The following ZFPM2 variants were observed in gnomAD, a reference collection of about 807,000 sequenced individuals.
ZFPM2 encodes zinc finger protein, FOG family member 2.
A neutral mutation model predicts 98.6 loss-of-function variants in ZFPM2; 20 were observed. The ratio of observed to expected loss-of-function variants is 0.20; its 90% CI spans 0.14 to 0.29. The LOEUF is 0.29. ZFPM2 is among the 10% of genes least tolerant of loss of function. The probability of loss-of-function intolerance (pLI) is 1.00; values close to 1 mark genes in which losing one functional copy is unlikely to be tolerated. For missense variants in ZFPM2, 1,310 were observed against 1,388.6 expected (o/e 0.94, Z 0.90); for synonymous variants, 518 against 502.7 (o/e 1.03, Z -0.41).
rs200445538 is a variant in ZFPM2 at position 105,801,789 on chromosome 8, T to G, written c.1707T>G (p.His569Gln). 6.2e-7 allele frequency: 1 copy of G among 1,613,918 alleles called. No individual in the cohort carries two copies. Among genetic ancestry groups the G allele is most frequent in the East Asian group, 2.2e-5 (1 of 44,864 alleles). Residue 569 changes from histidine to glutamine, a missense_variant, in exon 8 of 8, where the codon CAT becomes CAG. Transcript: ENST00000407775. ...ATAATTATCTAGTGCACAAAAAGCA[T>G]TATTGCAGCAGCCGATGGCAGCAGA... Reference protein sequence around the residue: ...NLDNYLVHKKHYCSSRWQQMA... With the variant: ...NLDNYLVHKKQYCSSRWQQMA...
Position 105,801,596 on chromosome 8 carries a change from A to G in ZFPM2, c.1514A>G (p.Gln505Arg), listed in dbSNP as rs1251214279. Reference protein sequence around the residue: ...GPFLSQFSFPQDITMVPQASE... With the variant: ...GPFLSQFSFPRDITMVPQASE... Reference sequence around the variant, plus strand: ...TTCCTATCTCAGTTTTCTTTCCCCCAAGATATCACCATGGTCCCTCAAGCT... The same window carrying G: ...TTCCTATCTCAGTTTTCTTTCCCCCGAGATATCACCATGGTCCCTCAAGCT... The change falls in exon 8 of 8, where the codon CAA (glutamine) becomes CGA (arginine). Residue 505 changes from glutamine (Q) to arginine (R), a missense_variant. Physicochemically the swap from Gln to Arg is conservative, Grantham distance 43. Coordinates refer to ENST00000407775, the MANE Select transcript of ZFPM2 (RefSeq NM_012082.4). 1 of 1,613,722 alleles carries G rather than the reference A, an allele frequency of 6.2e-7. No homozygotes were observed.
chr8:105,705,212 TTAATG>T (rs1473486381), intron 5 of ZFPM2, among the ~76,000 whole-genome samples: 1 of 152,040 alleles, frequency 6.6e-6, no homozygotes, highest in Non-Finnish European at 1.5e-5. Context: ...GATATTTAAT[TTAATG>T]TAGTGTATAT....
intron 4 of ZFPM2, among the ~76,000 whole-genome samples, chr8:105,633,933 A>G (rs754395980): frequency 2.0e-5 from 3 of 152,172 alleles, no homozygotes; most frequent in Admixed American, 6.6e-5. Flanking sequence ...GCTCTTTGCA[A>G]TGAAAGTCAT....
intron 4 of ZFPM2, among the ~76,000 whole-genome samples, chr8:105,575,083 A>G (rs771972621): frequency 2.6e-5 from 4 of 152,050 alleles, no homozygotes; most frequent in Non-Finnish European, 5.9e-5. Flanking sequence ...GAAAATGACA[A>G]CTCTTCAAAG....
At chr8:105,739,687 C>A (rs1319689296) in intron 5 of ZFPM2, among the ~76,000 whole-genome samples, 1 of 151,526 alleles carries the variant, frequency 6.6e-6, no homozygotes, top group East Asian at 1.9e-4. Flanking sequence ...CCTATATAAA[C>A]ATTAAAGGCA....
chr8:105,495,343 T>C (rs1813444796), intron 3 of ZFPM2, among the ~76,000 whole-genome samples: 2 of 152,206 alleles, frequency 1.3e-5, no homozygotes, highest in South Asian at 2.1e-4. Flanking sequence ...CATGTATACA[T>C]AGGTAACAAA....
intron 3 of ZFPM2, among the ~76,000 whole-genome samples, chr8:105,528,079 A>C (rs1451216661): frequency 1.3e-5 from 2 of 152,180 alleles, no homozygotes; most frequent in African/African-American, 4.8e-5. Context: ...TAAATAAAAC[A>C]TAGTTTGCAG....
At chr8:105,561,685 G>T (rs1035361714) in intron 4 of ZFPM2, among the ~76,000 whole-genome samples, 5 of 152,132 alleles carry the variant, frequency 3.3e-5, no homozygotes, top group Non-Finnish European at 7.3e-5. Flanking sequence ...ACAGAAACAG[G>T]TTACTCATAC....
intron 5 of ZFPM2, among the ~76,000 whole-genome samples, chr8:105,664,933 T>TA (rs2130893152): frequency 6.6e-6 from 1 of 152,324 alleles, no homozygotes; most frequent in African/African-American, 2.4e-5. Flanking sequence ...TACTAGGAAT[T>TA]ATTAGGATAA....
At chr8:105,535,996 C>A (rs1814443097) in intron 3 of ZFPM2, among the ~76,000 whole-genome samples, 2 of 152,056 alleles carry the variant, frequency 1.3e-5, no homozygotes, top group African/African-American at 4.8e-5. Context: ...AGGCAATAGG[C>A]CTTGACAGAG....
chr8:105,734,792 CTT>C (rs1812030075), intron 5 of ZFPM2, among the ~76,000 whole-genome samples: 1 of 151,758 alleles, frequency 6.6e-6, no homozygotes, highest in African/African-American at 2.4e-5. Flanking sequence ...CAAGCTACCT[CTT>C]TTATAGTCCT....
intron 4 of ZFPM2, among the ~76,000 whole-genome samples, chr8:105,563,303 A>G (rs576464608): frequency 1.3e-5 from 2 of 152,296 alleles, no homozygotes; most frequent in East Asian, 3.9e-4. Context: ...GGTTCAACTA[A>G]AAGTAATGAT....
chr8:105,479,847 A>G (rs1235490869), intron 3 of ZFPM2, among the ~76,000 whole-genome samples: 1 of 152,020 alleles, frequency 6.6e-6, no homozygotes, highest in East Asian at 1.9e-4. Flanking sequence ...TTTTTTTTAT[A>G]ATAGCTAGTC....
chr8:105,754,205 G>A (rs1009895655), intron 5 of ZFPM2, among the ~76,000 whole-genome samples: 1 of 152,060 alleles, frequency 6.6e-6, no homozygotes, highest in Non-Finnish European at 1.5e-5. Context: ...GGAAATTGGG[G>A]CAAATTACAG....
At chr8:105,677,130 A>G (rs898171047) in intron 5 of ZFPM2, among the ~76,000 whole-genome samples, 4 of 152,174 alleles carry the variant, frequency 2.6e-5, no homozygotes, top group African/African-American at 9.6e-5. Context: ...TAATATTTCA[A>G]GATTTCAAGT....
chr8:105,336,875 T>C (rs1812337259), intron 1 of ZFPM2, among the ~76,000 whole-genome samples: 1 of 151,842 alleles, frequency 6.6e-6, no homozygotes, highest in Admixed American at 6.6e-5. Context: ...TCTCATTTTT[T>C]GGTATTAAAT....
chr8:105,498,947 C>T (rs1244741930), intron 3 of ZFPM2, among the ~76,000 whole-genome samples: 2 of 152,104 alleles, frequency 1.3e-5, no homozygotes, highest in Non-Finnish European at 2.9e-5. Context: ...TGGATCCTTG[C>T]AGGCATTGGG....
intron 5 of ZFPM2, among the ~76,000 whole-genome samples, chr8:105,782,776 C>T (rs1336427397): frequency 1.3e-5 from 2 of 152,200 alleles, no homozygotes; most frequent in East Asian, 3.9e-4. Context: ...TATGTCCACC[C>T]AATACTTTTA....
chr8:105,413,507 T>TATATATAC (rs1554602641), intron 1 of ZFPM2, among the ~76,000 whole-genome samples: 1 of 135,558 alleles, frequency 7.4e-6, no homozygotes, highest in African/African-American at 2.6e-5. Context: ...TATATATATA[T>TATATATAC]ACACACACAC....
Sources: allele counts gnomAD v4.1 joint callset (sites outside exome capture counted in the v4.1 genomes callset), GRCh38; gene constraint gnomAD v4.1.1; transcripts MANE v1.5; gene names NCBI Gene and HGNC (gene_info 2026-07-23, HGNC 2026-07-21).